The following CBR4 variants were observed in gnomAD, a reference collection of about 807,000 sequenced individuals.
CBR4 encodes the protein carbonyl reductase 4, also known as 3-oxoacyl-[acyl-carrier-protein] reductase.
CBR4 carries 22 observed loss-of-function variants against 21.0 expected under a neutral mutation model. That is an observed-to-expected ratio of 1.05 (90% confidence interval 0.75 to 1.50). CBR4 has a LOEUF of 1.50. Ranked by LOEUF, CBR4 falls within the 40% of genes most tolerant of loss-of-function variation. CBR4 has a pLI of 0.00. For missense variants in CBR4, 302 were observed against 286.3 expected (o/e 1.05, Z -0.40); for synonymous variants, 100 against 104.4 (o/e 0.96, Z 0.26).
At chr4:168,944,541 T>C (rs72704247) in intron 2 of CBR4, among the ~76,000 whole-genome samples, 13,665 of 152,088 alleles carry the variant, frequency 0.09, 732 homozygotes, top group Middle Eastern at 0.2. Context: ...TTTATGAGTT[T>C]ACTCTCAATC....
At chr4:168,970,053 C>G (rs899935889) in intron 2 of CBR4, among the ~76,000 whole-genome samples, 2 of 152,130 alleles carry the variant, frequency 1.3e-5, no homozygotes, top group Non-Finnish European at 2.9e-5. Flanking sequence ...TTCTATGAAA[C>G]GCCTGTTTTT....
At chr4:168,992,061 ACTTTC>A (rs1157069094) in intron 4 of CBR4, among the ~76,000 whole-genome samples, 1 of 152,202 alleles carries the variant, frequency 6.6e-6, no homozygotes, top group African/African-American at 2.4e-5. Flanking sequence ...TAATTACTTA[ACTTTC>A]CTTTCTTTAG....
At chr4:168,971,200 G>GA (rs1764196718) in intron 2 of CBR4, among the ~76,000 whole-genome samples, 1 of 151,954 alleles carries the variant, frequency 6.6e-6, no homozygotes, top group South Asian at 2.1e-4. Context: ...TTGTGGTTTC[G>GA]ATTTGCATTT....
At chr4:168,930,288 C>T (rs868200816) in intron 2 of CBR4, among the ~76,000 whole-genome samples, 6 of 152,044 alleles carry the variant, frequency 3.9e-5, no homozygotes, top group African/African-American at 1.4e-4. Context: ...GTCAAAAAGG[C>T]ATATGGCACC....
chr4:168,900,649 G>A (rs148877332), intron 2 of CBR4, among the ~76,000 whole-genome samples: 5 of 152,142 alleles, frequency 3.3e-5, no homozygotes, highest in Admixed American at 6.5e-5. Context: ...GAATCGCAAC[G>A]CCAAAGTCAA....
At position 168,989,888 on chromosome 4, in the gene CBR4, G is replaced by C. The variant is rs1764825292; in HGVS notation, c.*262C>G. On this transcript the variant is annotated 3_prime_UTR_variant, in exon 5 of 5. Transcript: ENST00000306193. ...AACCACTGAATTGTGTATTTTAAATGTGTGATTATATGGTATGTGAATTGT... is the reference window on the plus strand; with the variant it reads ...AACCACTGAATTGTGTATTTTAAATCTGTGATTATATGGTATGTGAATTGT... 8.2e-6 allele frequency: 9 copies of C among 1,097,490 alleles called. No homozygotes were observed. The South Asian group carries it at 3.0e-4, about 37-fold the overall frequency. The allele number at this position is 1,097,490 out of a possible 1,614,324, so 68.0% of individuals were successfully genotyped here.
At chr4:169,000,510 G>C (rs917371029) in intron 4 of CBR4, among the ~76,000 whole-genome samples, 1 of 152,156 alleles carries the variant, frequency 6.6e-6, no homozygotes, top group Non-Finnish European at 1.5e-5. Context: ...CCAACTGTAA[G>C]GTCCAAGCTG....
intron 2 of CBR4, among the ~76,000 whole-genome samples, chr4:168,899,781 G>A (rs1334165041): frequency 1.3e-5 from 2 of 152,020 alleles, no homozygotes; most frequent in Admixed American, 1.3e-4. Flanking sequence ...GCTGGGCATG[G>A]TGGTGGGCGC....
rs1272380864 is a variant in CBR4 at position 169,002,100 on chromosome 4, T to C, written c.506A>G (p.Lys169Arg). The C allele has an allele frequency of 2.5e-6, 4 of 1,595,678 alleles. No individual in the cohort carries two copies. In the Admixed American group the frequency reaches 7.1e-5, roughly 28 times the overall value. The change falls in exon 4 of 5, where the codon AAG becomes AGG. Residue 169 changes from lysine to arginine, a missense_variant. By Grantham distance (26) the Lys-to-Arg change is conservative (BLOSUM62 2). Transcript: ENST00000306193. ...TGCAACTACATTCACTCTAATTTTC[T>C]TTCTTGCTACCTCTTTAGCAAGAGC... is the stretch of plus-strand genomic sequence containing the variant. ...SRALAKEVARKKIRVNVVAPG... is the reference protein window; with the variant it reads ...SRALAKEVARRKIRVNVVAPG...
chr4:168,923,351 C>A (rs1236996434), intron 2 of CBR4, among the ~76,000 whole-genome samples: 1 of 152,216 alleles, frequency 6.6e-6, no homozygotes, highest in African/African-American at 2.4e-5. Context: ...TCTTTCCTAG[C>A]TGCTTTGCTG....
At chr4:168,906,613 A>G (rs1757855335) in intron 2 of CBR4, among the ~76,000 whole-genome samples, 1 of 152,156 alleles carries the variant, frequency 6.6e-6, no homozygotes, top group Non-Finnish European at 1.5e-5. Flanking sequence ...ATCAATTAGA[A>G]TAAAAAAGAA....
rs1289627073 is a variant in CBR4, at chr4:169,010,136, CT to C, written c.-48del. The C allele has an allele frequency of 4.7e-6, 7 of 1,503,848 alleles. No individual in the cohort carries two copies. Among genetic ancestry groups the C allele is most frequent in the South Asian group, 2.5e-5 (2 of 80,514 alleles). The allele number at this position is 1,503,848 out of a possible 1,614,324, so 93.2% of individuals were successfully genotyped here. On this transcript the variant is annotated 5_prime_UTR_variant, in exon 1 of 5. Coordinates refer to ENST00000306193, the MANE Select transcript of CBR4 (RefSeq NM_032783.5). ...GAAAGAGGGTAGGGAGTGGGAGCCC[CT>C]CTCCAGGTTCCCTCAGGCTTTTAAA...
chr4:168,956,598 A>G (rs1351282338), intron 2 of CBR4, among the ~76,000 whole-genome samples: 1 of 39,200 alleles, frequency 2.6e-5, no homozygotes, highest in Non-Finnish European at 4.5e-5. Flanking sequence ...ACCCTGTCTC[A>G]AAAAAAAAAA....
chr4:168,913,323 G>C (rs1759420239), intron 2 of CBR4, among the ~76,000 whole-genome samples: 1 of 151,888 alleles, frequency 6.6e-6, no homozygotes, highest in Non-Finnish European at 1.5e-5. Context: ...TTTTTTAGTA[G>C]AGACGGGGTT....
At chr4:168,944,517 G>T (rs940663352) in intron 2 of CBR4, among the ~76,000 whole-genome samples, 2 of 151,590 alleles carry the variant, frequency 1.3e-5, no homozygotes, top group African/African-American at 4.8e-5. Flanking sequence ...AGAGAGAAAA[G>T]AAAAGAAAAA....
chr4:168,924,304 A>G lies in CBR4; in HGVS notation n.170-29539T>C. The G allele has an allele frequency of 1.9e-6, 3 of 1,614,008 alleles. No homozygotes were observed. Among genetic ancestry groups the G allele is most frequent in the South Asian group, 1.1e-5 (1 of 91,084 alleles). The stretch of plus-strand genomic sequence containing the variant: ...TGTTTATTGAGAAGCTCCAAAACAC[A>G]GGAGTTGCTGATGGGTACCCAGTGC... On this transcript the variant is annotated intron_variant and non_coding_transcript_variant, in intron 2 of 3. Coordinates refer to the CBR4 transcript ENST00000509108.
chr4:168,958,335 CT>C (rs764733333), intron 2 of CBR4, among the ~76,000 whole-genome samples: 8 of 151,812 alleles, frequency 5.3e-5, no homozygotes, highest in Non-Finnish European at 4.4e-5. Flanking sequence ...AATACATACT[CT>C]TTTTTGAATC....
chr4:169,001,997 C>T lies in CBR4; in HGVS notation c.535+74G>A, dbSNP rs1730487776. 3.0e-5 allele frequency: 38 copies of T among 1,246,962 alleles called. No homozygotes were observed. The South Asian group carries it at 6.7e-4, about 22-fold the overall frequency. 77.2% of individuals were successfully genotyped at this position (1,246,962 alleles called of 1,614,324 possible). On this transcript the variant is annotated intron_variant, in intron 4 of 4. Coordinates refer to ENST00000306193, the MANE Select transcript of CBR4 (RefSeq NM_032783.5). Reference sequence around the variant, plus strand: ...AACTATTCTACCCAGATGTCAATTACTAATGTTCCAAATAATGGCTTCCCT... The same window carrying T: ...AACTATTCTACCCAGATGTCAATTATTAATGTTCCAAATAATGGCTTCCCT...
At chr4:168,934,759 GA>G (rs888134450) in intron 2 of CBR4, among the ~76,000 whole-genome samples, 1 of 151,528 alleles carries the variant, frequency 6.6e-6, no homozygotes, top group African/African-American at 2.4e-5. Flanking sequence ...AAAAAAGAAA[GA>G]AAAAAAACTG....
Sources: gnomAD v4.1 joint callset for allele counts (sites outside exome capture counted in the v4.1 genomes callset) on GRCh38, gnomAD v4.1.1 for gene constraint, MANE v1.5 for transcripts, NCBI Gene and HGNC (gene_info 2026-07-23, HGNC 2026-07-21) for gene names.